Variants in SKAP2 observed in about 807,000 individuals in gnomAD.
The protein encoded by SKAP2 is src kinase-associated phosphoprotein 2.
A neutral mutation model predicts 54.9 loss-of-function variants in SKAP2; 28 were observed. The observed-to-expected ratio is 0.51, with a 90% CI of 0.38 to 0.70. The LOEUF is 0.70. SKAP2 is among the 30% of genes least tolerant of loss of function. The probability of loss-of-function intolerance (pLI) is 0.00; values close to 1 mark genes in which losing one functional copy is unlikely to be tolerated. For missense variants in SKAP2, 356 were observed against 424.1 expected (o/e 0.84, Z 1.41); for synonymous variants, 137 against 134.3 (o/e 1.02, Z -0.14).
At chr7:26,656,969 G>C in the SKAP2 span, among the ~76,000 whole-genome samples, 1 of 152,104 alleles carries the variant, frequency 6.6e-6, no homozygotes, top group Non-Finnish European at 1.5e-5. Context: ...GTTGCCTCCA[G>C]ATCACCCACT....
chr7:26,814,920 G>T (rs1470075811), intron 4 of SKAP2, among the ~76,000 whole-genome samples: 1 of 152,014 alleles, frequency 6.6e-6, no homozygotes, highest in African/African-American at 2.4e-5. Context: ...AATAATTTTT[G>T]CCTTCATCAA....
intron 4 of SKAP2, among the ~76,000 whole-genome samples, chr7:26,792,571 A>T (rs1783692956): frequency 6.6e-6 from 1 of 152,188 alleles, no homozygotes; most frequent in Non-Finnish European, 1.5e-5. Context: ...CTCAGATATA[A>T]ATGGAAAACT....
At chr7:26,834,891 A>G (rs185902245) in intron 4 of SKAP2, among the ~76,000 whole-genome samples, 202 of 152,300 alleles carry the variant, frequency 1.3e-3, no homozygotes, top group Non-Finnish European at 2.3e-3. Flanking sequence ...GGACACAACA[A>G]AAAAAGAAAA....
At chr7:26,837,842 C>T (rs1403859536) in intron 4 of SKAP2, among the ~76,000 whole-genome samples, 1 of 148,678 alleles carries the variant, frequency 6.7e-6, no homozygotes, top group Non-Finnish European at 1.5e-5. Context: ...TATCAACACT[C>T]CCTTAATCAA....
intron 4 of SKAP2, among the ~76,000 whole-genome samples, chr7:26,748,123 G>A (rs1782597760): frequency 6.6e-6 from 1 of 151,938 alleles, no homozygotes. Context: ...TTACATATCT[G>A]AAGACTGCTT....
At chr7:26,767,474 CT>C (rs1488966707) in intron 4 of SKAP2, among the ~76,000 whole-genome samples, 2 of 152,080 alleles carry the variant, frequency 1.3e-5, no homozygotes, top group African/African-American at 4.8e-5. Context: ...TTCCGTTCTG[CT>C]CTGGTCTTTG....
intron 4 of SKAP2, among the ~76,000 whole-genome samples, chr7:26,751,146 T>C (rs1176412031): frequency 6.6e-6 from 1 of 152,162 alleles, no homozygotes. Context: ...GTCTTCTACA[T>C]TGTACAGTAT....
intron 4 of SKAP2, among the ~76,000 whole-genome samples, chr7:26,788,374 A>G (rs1324547176): frequency 6.6e-6 from 1 of 152,144 alleles, no homozygotes; most frequent in African/African-American, 2.4e-5. Flanking sequence ...AAGAAAAAAA[A>G]GAAAAAGAAA....
At chr7:26,687,710 A>C (rs1786678299) in intron 10 of SKAP2, among the ~76,000 whole-genome samples, 1 of 152,128 alleles carries the variant, frequency 6.6e-6, no homozygotes, top group African/African-American at 2.4e-5. Context: ...CATACACAAA[A>C]AATTAAGCAC....
At chr7:26,706,259 T>G (rs1787153158) in intron 9 of SKAP2, among the ~76,000 whole-genome samples, 1 of 152,158 alleles carries the variant, frequency 6.6e-6, no homozygotes, top group East Asian at 1.9e-4. Flanking sequence ...TTCCTAATTT[T>G]GACCTCCCAA....
At chr7:26,672,201 G>T (rs1786258196) in intron 11 of SKAP2, among the ~76,000 whole-genome samples, 1 of 152,004 alleles carries the variant, frequency 6.6e-6, no homozygotes, top group Non-Finnish European at 1.5e-5. Flanking sequence ...TTACAAGACA[G>T]AAAGTTATTA....
chr7:26,746,942 C>T (rs1782571155), intron 4 of SKAP2, among the ~76,000 whole-genome samples: 1 of 151,872 alleles, frequency 6.6e-6, no homozygotes, highest in East Asian at 1.9e-4. Flanking sequence ...AGAACCTTGG[C>T]CTGGAATATG....
At chr7:26,756,351 C>G (rs899720681) in intron 4 of SKAP2, among the ~76,000 whole-genome samples, 1 of 152,060 alleles carries the variant, frequency 6.6e-6, no homozygotes, top group Non-Finnish European at 1.5e-5. Flanking sequence ...CAACAGGTCC[C>G]GGTGTGTGAT....
intron 4 of SKAP2, among the ~76,000 whole-genome samples, chr7:26,748,146 C>G (rs2391358): frequency 0.048 from 7,367 of 152,092 alleles, 608 homozygotes; most frequent in African/African-American, 0.17. Flanking sequence ...TTAGATAAAT[C>G]TTTAATATAG....
intron 6 of SKAP2, among the ~76,000 whole-genome samples, chr7:26,728,735 G>C (rs553569557): frequency 1.3e-5 from 2 of 152,044 alleles, no homozygotes; most frequent in African/African-American, 4.8e-5. Flanking sequence ...TGTTCACTAC[G>C]AAAAGTGGAA....
intron 9 of SKAP2, among the ~76,000 whole-genome samples, chr7:26,719,804 G>A (rs932338242): frequency 5.3e-5 from 8 of 152,130 alleles, no homozygotes; most frequent in Admixed American, 1.3e-4. Context: ...TTTCATGTAT[G>A]TAAGAAAACC....
intron 9 of SKAP2, among the ~76,000 whole-genome samples, chr7:26,708,981 A>G (rs1470162678): frequency 2.6e-5 from 4 of 151,994 alleles, no homozygotes; most frequent in Non-Finnish European, 5.9e-5. Flanking sequence ...CAGTTGATTT[A>G]TTAGAATATT....
At chr7:26,830,661 T>C (rs1198392539) in intron 4 of SKAP2, among the ~76,000 whole-genome samples, 2 of 152,156 alleles carry the variant, frequency 1.3e-5, no homozygotes, top group African/African-American at 2.4e-5. Flanking sequence ...ATAACTTCCT[T>C]GCAGAGATAT....
At chr7:26,677,393 A>AT (rs947005498) in intron 11 of SKAP2, among the ~76,000 whole-genome samples, 2 of 141,674 alleles carry the variant, frequency 1.4e-5, no homozygotes, top group Non-Finnish European at 3.1e-5. Context: ...CTCTGTCTCA[A>AT]TAAAAAAAAA....
Sources: gnomAD v4.1 joint callset for allele counts (sites outside exome capture counted in the v4.1 genomes callset) on GRCh38, gnomAD v4.1.1 for gene constraint, MANE v1.5 for transcripts, NCBI Gene and HGNC (gene_info 2026-07-23, HGNC 2026-07-21) for gene names.